DMP1: variants seen among roughly 807,000 people sequenced by gnomAD.
DMP1 encodes the protein dentin matrix protein 1.
In DMP1, 20 loss-of-function variants were observed where a neutral mutation model predicts 14.6. The observed-to-expected ratio is 1.37, with a 90% CI of 0.96 to 1.99. The LOEUF is 1.99. DMP1 is among the 30% of genes most tolerant of loss of function. The pLI, the probability that DMP1 is intolerant of heterozygous loss-of-function variation, is 0.00. For missense variants in DMP1, 567 were observed against 620.5 expected (o/e 0.91, Z 0.92); for synonymous variants, 197 against 215.3 (o/e 0.91, Z 0.75).
At chr4:87,659,857 T>C (rs1728808817) in intron 5 of DMP1, among the ~76,000 whole-genome samples, 1 of 152,212 alleles carries the variant, frequency 6.6e-6, no homozygotes, top group Non-Finnish European at 1.5e-5. Flanking sequence ...AAGAAGTGCC[T>C]GGGAGCTTCT....
chr4:87,656,647 A>G (rs1728706477), intron 2 of DMP1, 101 bp downstream of exon 2: 1 of 816,004 alleles, frequency 1.2e-6, no homozygotes. Context: ...GTTCCAGTCC[A>G]GTAAAAATAG....
At position 87,662,189 on chromosome 4, in the gene DMP1, T is replaced by C; in HGVS notation, c.411T>C (p.Asp137=). ...QEGGNSRLGS[D]EDSDDTIQAS... ...GAGGAAACTCCAGACTGGGAAGTGA[T>C]GAGGACTCTGATGACACCATACAAG... The change falls in exon 6 of 6, where the codon GAT becomes GAC. Residue 137 remains aspartate (D), a synonymous_variant. Coordinates refer to ENST00000339673, the MANE Select transcript of DMP1 (RefSeq NM_004407.4). 1 of 1,614,088 alleles carries C rather than the reference T, an allele frequency of 6.2e-7. No homozygotes were observed. Among genetic ancestry groups the C allele is most frequent in the Non-Finnish European group, 8.5e-7 (1 of 1,180,016 alleles).
chr4:87,655,201 A>G (rs1016496065), intron 1 of DMP1, among the ~76,000 whole-genome samples: 6 of 152,236 alleles, frequency 3.9e-5, no homozygotes, highest in Admixed American at 1.3e-4. Flanking sequence ...TGTGAAATGT[A>G]TGGAAGTTCA....
chr4:87,654,413 A>C (rs990030277), intron 1 of DMP1, among the ~76,000 whole-genome samples: 1 of 152,138 alleles, frequency 6.6e-6, no homozygotes, highest in Admixed American at 6.6e-5. Flanking sequence ...TTCATTATGG[A>C]GTATTGTTTT....
chr4:87,661,778 G>A (rs184998459), intron 5 of DMP1, among the ~76,000 whole-genome samples, 184 bp from the exon 6 acceptor site: 3 of 151,932 alleles, frequency 2.0e-5, no homozygotes, highest in Admixed American at 6.6e-5. Context: ...GGAACCACTT[G>A]AGTTTCAATT....
intron 1 of DMP1, among the ~76,000 whole-genome samples, chr4:87,650,801 G>A (rs1278537010): frequency 1.3e-5 from 2 of 151,878 alleles, no homozygotes; most frequent in African/African-American, 2.4e-5. Context: ...TTGAATGGCA[G>A]GACTTTAAAA....
intron 1 of DMP1, among the ~76,000 whole-genome samples, chr4:87,650,762 A>T (rs1462370): frequency 0.28 from 42,555 of 151,962 alleles, 6,515 homozygotes; most frequent in African/African-American, 0.4. Flanking sequence ...TTTGCAACCT[A>T]CAAGATTGTG....
intron 1 of DMP1, among the ~76,000 whole-genome samples, chr4:87,653,369 T>G (rs1432364506): frequency 7.8e-6 from 1 of 127,894 alleles, no homozygotes; most frequent in Non-Finnish European, 1.6e-5. Context: ...ATTCAGCATA[T>G]TCAGGCATTA....
intron 1 of DMP1, among the ~76,000 whole-genome samples, chr4:87,654,067 G>T (rs2110010588): frequency 6.6e-6 from 1 of 152,260 alleles, no homozygotes; most frequent in South Asian, 2.1e-4. Flanking sequence ...AGCCTGTCCA[G>T]ATTCTTCTTG....
rs777572570 is a variant in DMP1, at chr4:87,663,040, C to A, written c.1262C>A (p.Ser421Tyr). The change falls in exon 6 of 6, where the codon TCC (serine) becomes TAC (tyrosine). Residue 421 changes from serine (S) to tyrosine (Y), a missense_variant. Ser to Tyr is a moderately radical substitution (Grantham distance 144). Coordinates refer to ENST00000339673, the MANE Select transcript of DMP1 (RefSeq NM_004407.4). ...AACTTCTCAGAGGAAAGCCCGGAGT[C>A]CCCTGAGGATGAGAACAGCTCCAGC... is the stretch of plus-strand genomic sequence containing the variant. The part of the protein sequence containing the change: ...SLNFSEESPE[S>Y]PEDENSSSQE... The A allele has an allele frequency of 6.2e-6, 10 of 1,614,150 alleles. No individual in the cohort carries two copies. In the East Asian group the frequency reaches 8.9e-5, roughly 14 times the overall value.
intron 4 of DMP1, 58 bp downstream of exon 4, chr4:87,659,310 C>T: frequency 1.6e-5 from 26 of 1,602,776 alleles, no homozygotes; most frequent in Non-Finnish European, 2.1e-5. Flanking sequence ...TAACACTCTT[C>T]CAGTTGCCTT....
chr4:87,660,818 T>C (rs916021893), intron 5 of DMP1: 11 of 152,198 alleles, frequency 7.2e-5, no homozygotes, highest in African/African-American at 2.7e-4. Context: ...GAAACATGGT[T>C]TGGGTGAAGT....
chr4:87,657,093 T>C lies in DMP1; in HGVS notation c.102+14T>C. ...GAAGAATGGAAGGTGAGTAGAAATA[T>C]GACTTTTTGAAATATTTTAATTTTA... On this transcript the variant is annotated intron_variant, in intron 3 of 5. Coordinates refer to ENST00000339673, the MANE Select transcript of DMP1 (RefSeq NM_004407.4). 1.4e-6 allele frequency: 2 copies of C among 1,448,290 alleles called. No individual in the cohort carries two copies. Among genetic ancestry groups the C allele is most frequent in the South Asian group, 1.2e-5 (1 of 86,016 alleles). The allele number at this position is 1,448,290 out of a possible 1,614,324, so 89.7% of individuals were successfully genotyped here.
chr4:87,653,734 C>T (rs993680908), intron 1 of DMP1, among the ~76,000 whole-genome samples: 1 of 151,932 alleles, frequency 6.6e-6, no homozygotes, highest in African/African-American at 2.4e-5. Flanking sequence ...AAACTCTTCC[C>T]AGTTGATAGT....
In DMP1 at chr4:87,663,206, G is replaced by A; in HGVS notation, c.1428G>A (p.Glu476=). 1 of 1,614,212 alleles carries A rather than the reference G, an allele frequency of 6.2e-7. No individual in the cohort carries two copies. Among genetic ancestry groups the A allele is most frequent in the Non-Finnish European group, 8.5e-7 (1 of 1,180,044 alleles). The change falls in exon 6 of 6, where the codon GAG becomes GAA. Residue 476 remains glutamate, a synonymous_variant. Coordinates refer to ENST00000339673, the MANE Select transcript of DMP1 (RefSeq NM_004407.4). ...CCACGGAGAGCAAATCAAGCAGTGA[G>A]GAAGATGGCCAGTTGAAAAACATTG... is the stretch of plus-strand genomic sequence containing the variant. ...SNSTESKSSS[E]EDGQLKNIEI...
At chr4:87,659,843 G>C (rs75553345) in intron 5 of DMP1, among the ~76,000 whole-genome samples, 2,983 of 152,276 alleles carry the variant, frequency 0.02, 115 homozygotes, top group African/African-American at 0.068. Context: ...GTTCAGCTCA[G>C]GTGAAGAAGT....
chr4:87,655,969 T>C (rs535154878), intron 1 of DMP1, among the ~76,000 whole-genome samples: 1 of 152,202 alleles, frequency 6.6e-6, no homozygotes, highest in Non-Finnish European at 1.5e-5. Context: ...CTTTGTTGAG[T>C]TATAATCTAT....
intron 1 of DMP1, among the ~76,000 whole-genome samples, chr4:87,651,705 C>T (rs1466436882): frequency 1.3e-5 from 2 of 151,968 alleles, no homozygotes; most frequent in Non-Finnish European, 2.9e-5. Context: ...TAGAAAAGTG[C>T]CTAACACATT....
At chr4:87,656,142 C>G (rs992532673) in intron 1 of DMP1, among the ~76,000 whole-genome samples, 1 of 152,180 alleles carries the variant, frequency 6.6e-6, no homozygotes, top group Non-Finnish European at 1.5e-5. Flanking sequence ...TGCACAAGCT[C>G]TGGGCAACCA....
Sources: allele counts gnomAD v4.1 joint callset (sites outside exome capture counted in the v4.1 genomes callset), GRCh38; gene constraint gnomAD v4.1.1; transcripts MANE v1.5; gene names NCBI Gene and HGNC (gene_info 2026-07-23, HGNC 2026-07-21).